The following GABRG1 variants were observed in gnomAD, a reference collection of about 807,000 sequenced individuals.
The protein encoded by GABRG1 is gamma-aminobutyric acid receptor subunit gamma-1.
GABRG1 carries 49 observed loss-of-function variants against 49.8 expected under a neutral mutation model. The observed-to-expected ratio is 0.98, with a 90% CI of 0.78 to 1.25. GABRG1 has a LOEUF of 1.25. Among genes scored for constraint, GABRG1 ranks in the 50% most tolerant of loss-of-function variants. The pLI, the probability that GABRG1 is intolerant of heterozygous loss-of-function variation, is 0.00. For synonymous variants in GABRG1, 232 were observed against 185.1 expected, an observed-to-expected ratio of 1.25 and a Z score of -2.06; for missense variants, 552 against 552.3, an observed-to-expected ratio of 1.00 and a Z score of 0.01.
chr4:46,079,299 T>A (rs976582824), intron 3 of GABRG1, among the ~76,000 whole-genome samples: 28 of 151,838 alleles, frequency 1.8e-4, no homozygotes, highest in African/African-American at 4.8e-4. Context: ...AGCTCCTTTT[T>A]AAATTGTCGT....
intron 8 of GABRG1, among the ~76,000 whole-genome samples, chr4:46,041,653 A>C (rs1717789718): frequency 6.6e-6 from 1 of 151,994 alleles, no homozygotes; most frequent in African/African-American, 2.4e-5. Flanking sequence ...AATGAGAATA[A>C]ATAGCAAAGA....
intron 2 of GABRG1, among the ~76,000 whole-genome samples, chr4:46,089,279 C>T (rs534017928): frequency 2.0e-5 from 3 of 152,104 alleles, no homozygotes; most frequent in African/African-American, 7.2e-5. Flanking sequence ...TTTATACCTC[C>T]TAACCATAAA....
chr4:46,041,582 C>G (rs1053219471), intron 8 of GABRG1, among the ~76,000 whole-genome samples: 1 of 151,792 alleles, frequency 6.6e-6, no homozygotes, highest in Non-Finnish European at 1.5e-5. Flanking sequence ...TATATTAAAA[C>G]ATTAACAGTG....
chr4:46,101,441 G>A (rs2109433938), intron 1 of GABRG1, among the ~76,000 whole-genome samples: 1 of 151,086 alleles, frequency 6.6e-6, no homozygotes, highest in South Asian at 2.1e-4. Context: ...GGTAGTCTCA[G>A]CCCTTGACTC....
intron 1 of GABRG1, among the ~76,000 whole-genome samples, chr4:46,099,355 T>G (rs1002415016): frequency 6.6e-6 from 1 of 151,730 alleles, no homozygotes; most frequent in African/African-American, 2.4e-5. Context: ...TCAGCCATAC[T>G]CACAGGCTAC....
intron 8 of GABRG1, among the ~76,000 whole-genome samples, chr4:46,048,623 G>A (rs148776409): frequency 6.8e-6 from 1 of 146,358 alleles, no homozygotes; most frequent in Admixed American, 6.9e-5. Flanking sequence ...GAAGGGAAGG[G>A]AAGCGAAGGG....
chr4:46,106,212 A>C (rs1192507494), intron 1 of GABRG1, among the ~76,000 whole-genome samples: 2 of 151,388 alleles, frequency 1.3e-5, no homozygotes, highest in Non-Finnish European at 3.0e-5. Flanking sequence ...TTAATCAATA[A>C]ATGCAGCAAT....
rs377481920 is a variant in GABRG1, at chr4:46,118,132, G to GTGTATATATA, written c.104+5677_104+5678insTATATATACA. ...TATATACATATATACGTGTGTGTGT[G>GTGTATATATA]TATATATATATATACAGCTACAGTA... On this transcript the variant is annotated intron_variant, in intron 1 of 8. Coordinates refer to ENST00000295452, the MANE Select transcript of GABRG1 (RefSeq NM_173536.4). Among the ~76,000 whole-genome samples the GTGTATATATA allele has an allele frequency of 8.4e-4, 92 of 109,954 alleles. 3 individuals carry two copies. The highest frequency in any genetic ancestry group is 5.5e-3 in the East Asian group (26 of 4,690). 72.1% of individuals were successfully genotyped at this position (109,954 alleles called of 152,430 possible). A position where few individuals can be genotyped will look rare whatever the true frequency, so the allele number is the denominator to read the frequency against.
At chr4:46,084,404 G>T (rs981896393) in intron 2 of GABRG1, among the ~76,000 whole-genome samples, 1 of 151,314 alleles carries the variant, frequency 6.6e-6, no homozygotes, top group Non-Finnish European at 1.5e-5. Context: ...ACTCATAATC[G>T]CAATGCTATG....
At chr4:46,065,113 T>G (rs1307468073) in intron 4 of GABRG1, among the ~76,000 whole-genome samples, 2 of 152,158 alleles carry the variant, frequency 1.3e-5, no homozygotes, top group African/African-American at 4.8e-5. Flanking sequence ...ATAATCTTTA[T>G]GCTGCAACCT....
At chr4:46,109,650 A>G (rs1720659354) in intron 1 of GABRG1, among the ~76,000 whole-genome samples, 3 of 151,226 alleles carry the variant, frequency 2.0e-5, no homozygotes, top group African/African-American at 7.2e-5. Context: ...GCCCACAGTT[A>G]GCATATAAAC....
chr4:46,106,801 G>A (rs916523771), intron 1 of GABRG1, among the ~76,000 whole-genome samples: 1 of 141,586 alleles, frequency 7.1e-6, no homozygotes. Context: ...TTTTTTTTTT[G>A]CTGGGTCATT....
intron 1 of GABRG1, among the ~76,000 whole-genome samples, chr4:46,122,612 G>A (rs1345484104): frequency 1.3e-5 from 2 of 151,894 alleles, no homozygotes; most frequent in African/African-American, 2.4e-5. Context: ...ATATTACTTA[G>A]CCTACTTTAA....
chr4:46,092,129 C>T (rs752823853), intron 2 of GABRG1, among the ~76,000 whole-genome samples: 1 of 151,842 alleles, frequency 6.6e-6, no homozygotes, highest in Non-Finnish European at 1.5e-5. Flanking sequence ...TACTCCATTT[C>T]GAGAGACTTG....
rs574546942 is a variant in GABRG1, at chr4:46,120,331, C to A, written c.104+3479G>T. The stretch of plus-strand genomic sequence containing the variant: ...CCCTCCTTTGGGCCTCCACCTTCAT[C>A]CTTATATTCTTACATTCAATTAATC... On this transcript the variant is annotated intron_variant, in intron 1 of 8. Transcript: ENST00000295452. Among the ~76,000 whole-genome samples, 5 of 151,804 alleles carry A rather than the reference C, an allele frequency of 3.3e-5. No individual in the cohort carries two copies. The East Asian group carries it at 9.7e-4, about 29-fold the overall frequency.
intron 1 of GABRG1, among the ~76,000 whole-genome samples, chr4:46,122,889 AGTGTCTAT>A (rs1204356367): frequency 6.6e-6 from 1 of 152,042 alleles, no homozygotes; most frequent in Admixed American, 6.6e-5. Flanking sequence ...GACCTTTATA[AGTGTCTAT>A]GTCTTAATCA....
intron 2 of GABRG1, among the ~76,000 whole-genome samples, chr4:46,094,864 T>C (rs1467922704): frequency 6.6e-6 from 1 of 151,852 alleles, no homozygotes; most frequent in Non-Finnish European, 1.5e-5. Flanking sequence ...GACAAAATAA[T>C]TATTGCAGAA....
intron 5 of GABRG1, among the ~76,000 whole-genome samples, chr4:46,063,671 T>C (rs1294445665): frequency 6.6e-6 from 1 of 152,018 alleles, no homozygotes; most frequent in African/African-American, 2.4e-5. Flanking sequence ...AAAGCCAAAA[T>C]TGACAAATGG....
chr4:46,069,022 C>A (rs78639627), intron 3 of GABRG1, among the ~76,000 whole-genome samples: 4,311 of 152,084 alleles, frequency 0.028, 81 homozygotes, highest in Non-Finnish European at 0.048. Context: ...ATTTTGATTC[C>A]TAACTTAATA....
Sources: gnomAD v4.1 joint callset for allele counts (sites outside exome capture counted in the v4.1 genomes callset) on GRCh38, gnomAD v4.1.1 for gene constraint, MANE v1.5 for transcripts, NCBI Gene and HGNC (gene_info 2026-07-23, HGNC 2026-07-21) for gene names.